The following FAT3 variants were observed in gnomAD, a reference collection of about 807,000 sequenced individuals.
FAT3 encodes protocadherin Fat 3.
A neutral mutation model predicts 310.2 loss-of-function variants in FAT3; 95 were observed. That is an observed-to-expected ratio of 0.31 (90% CI 0.26 to 0.36). The LOEUF is 0.36. Ranked by LOEUF, FAT3 falls within the 10% of genes least tolerant of loss-of-function variation. The probability of loss-of-function intolerance (pLI) is 1.00; values close to 1 mark genes in which losing one functional copy is unlikely to be tolerated. For synonymous variants in FAT3, 2,314 were observed against 2,192.9 expected, an observed-to-expected ratio of 1.06 and a Z score of -1.54; for missense variants, 5,408 against 5,715.6, an observed-to-expected ratio of 0.95 and a Z score of 1.74.
rs1565335935 is a variant in FAT3, at chr11:92,224,943, C to G, written c.-249C>G. 6.6e-6 allele frequency among the ~76,000 whole-genome samples: 1 copy of G among 152,170 alleles called. No individual in the cohort carries two copies. Among genetic ancestry groups the G allele is most frequent in the Non-Finnish European group, 1.5e-5 (1 of 68,024 alleles). On this transcript the variant is annotated 5_prime_UTR_variant, in exon 1 of 28. Transcript: ENST00000525166. ...CCGTCCCTCTCCTCCCGCTGCTGTT[C>G]TCTTCATCTCGGCTCCCCTCCTCCG...
In FAT3 at chr11:92,798,501, A is replaced by G. The variant is rs763716184; in HGVS notation, c.5488A>G (p.Thr1830Ala). 6 of 1,613,824 alleles carry G rather than the reference A, an allele frequency of 3.7e-6. No homozygotes were observed. The South Asian group carries it at 5.5e-5, about 15-fold the overall frequency. Reference sequence around the variant, plus strand: ...AAAGTTTTTCACGGTGGACTCCAGTACAGGTGCAATCAGAACAATTGCCAA... The same window carrying G: ...AAAGTTTTTCACGGTGGACTCCAGTGCAGGTGCAATCAGAACAATTGCCAA... ...AKKFFTVDSS[T>A]GAIRTIANLD... Residue 1830 changes from threonine (T) to alanine (A), a missense_variant, in exon 10 of 28, where the codon ACA becomes GCA. This residue lies in a region of FAT3 where 4,588 missense variants were observed against 4,809.8 expected (regional missense o/e 0.95). Transcript: ENST00000525166.
rs183606603 is a variant in FAT3 at position 92,379,999 on chromosome 11, C to T, written c.3292+24595C>T. 8.6e-5 allele frequency among the ~76,000 whole-genome samples: 13 copies of T among 151,230 alleles called. No homozygotes were observed. The East Asian group carries it at 2.2e-3, about 25-fold the overall frequency. On this transcript the variant is annotated intron_variant, in intron 2 of 27. Transcript: ENST00000525166. ...TGGAAGAATGTTTGGAGGAAGTAAC[C>T]GTGAGAGACAGGATGGATAGTTCTC...
intron 3 of FAT3, among the ~76,000 whole-genome samples, chr11:92,574,954 T>C (rs2135514946): frequency 6.6e-6 from 1 of 152,214 alleles, no homozygotes; most frequent in South Asian, 2.1e-4. Flanking sequence ...TATTAAGGAA[T>C]AGGAATTAAA....
At chr11:92,507,706 A>ACAACATATACATGTATATG (rs1953158849) in intron 2 of FAT3, among the ~76,000 whole-genome samples, 2 of 151,912 alleles carry the variant, frequency 1.3e-5, no homozygotes, top group South Asian at 2.1e-4. Flanking sequence ...ACATGTATAT[A>ACAACATATACATGTATATG]TACAACATAT....
chr11:92,810,236 C>G (rs911483202), intron 13 of FAT3, among the ~76,000 whole-genome samples, 160 bp downstream of exon 13: 1 of 152,224 alleles, frequency 6.6e-6, no homozygotes, highest in South Asian at 2.1e-4. Context: ...TAATACACTT[C>G]ATATGCATGA....
intron 9 of FAT3, among the ~76,000 whole-genome samples, chr11:92,797,508 T>C (rs1056403687): frequency 6.6e-6 from 1 of 152,234 alleles, no homozygotes; most frequent in Non-Finnish European, 1.5e-5. Flanking sequence ...GGAAGTCCTA[T>C]ACATTCTTAG....
chr11:92,431,852 G>A (rs1209035113), intron 2 of FAT3, among the ~76,000 whole-genome samples: 6 of 152,034 alleles, frequency 3.9e-5, no homozygotes, highest in African/African-American at 9.7e-5. Context: ...TATTCCATTG[G>A]TCTACATCTC....
At chr11:92,272,017 A>G (rs1946135291) in intron 1 of FAT3, among the ~76,000 whole-genome samples, 1 of 152,076 alleles carries the variant, frequency 6.6e-6, no homozygotes, top group Non-Finnish European at 1.5e-5. Context: ...GCCCTATAAG[A>G]ACTGAGACCA....
At chr11:92,509,880 A>G (rs1300825855) in intron 2 of FAT3, among the ~76,000 whole-genome samples, 3 of 152,158 alleles carry the variant, frequency 2.0e-5, no homozygotes, top group Non-Finnish European at 2.9e-5. Flanking sequence ...CTTTAAAAAC[A>G]TATTTATATT....
Position 92,352,199 on chromosome 11 carries a change from C to G in FAT3, c.87C>G (p.Val29=), listed in dbSNP as rs1270021780. Residue 29 remains valine (V), a synonymous_variant, in exon 2 of 28, where the codon GTC becomes GTG. Transcript: ENST00000525166. The stretch of plus-strand genomic sequence containing the variant: ...TGCTTTTCAAGCTTTTGGCCACTGT[C>G]TCCCAGGGGCTGCCAGGGACTGGAC... ...ILLLFKLLAT[V]SQGLPGTGPL... is the part of the protein sequence containing the mutation. 7.3e-7 allele frequency: 1 copy of G among 1,376,474 alleles called. No individual in the cohort carries two copies. Among genetic ancestry groups the G allele is most frequent in the Non-Finnish European group, 9.7e-7 (1 of 1,028,248 alleles). 85.3% of individuals were successfully genotyped at this position (1,376,474 alleles called of 1,614,324 possible).
In FAT3 at chr11:92,800,989, G is replaced by T. The variant is rs1336153905; in HGVS notation, c.7976G>T (p.Trp2659Leu). The T allele has an allele frequency of 3.1e-6, 5 of 1,613,402 alleles. No homozygotes were observed. Among genetic ancestry groups the T allele is most frequent in the Non-Finnish European group, 4.2e-6 (5 of 1,179,668 alleles). Residue 2659 changes from tryptophan to leucine, a missense_variant, in exon 10 of 28, where the codon TGG becomes TTG. Transcript: ENST00000525166. ...DLLEIDPDNG[W>L]MVTKGNFNQL... is the part of the protein sequence containing the mutation. ...CTGGAAATCGATCCTGACAATGGCT[G>T]GATGGTCACAAAGGGTAATTTTAAC...
Position 92,555,557 on chromosome 11 carries a change from C to T in FAT3, c.3607+30609C>T, listed in dbSNP as rs184872618. Reference sequence around the variant, plus strand: ...CATTCAGGTGTGTCTAGGCCACCTTCTGGTCATTTCCTTTTCAGCTAACAC... The same window carrying T: ...CATTCAGGTGTGTCTAGGCCACCTTTTGGTCATTTCCTTTTCAGCTAACAC... On this transcript the variant is annotated intron_variant, in intron 3 of 27. Transcript: ENST00000525166. Among the ~76,000 whole-genome samples, 277 of 152,316 alleles carry T rather than the reference C, an allele frequency of 1.8e-3. 1 individual carries two copies. Among genetic ancestry groups the T allele is most frequent in the African/African-American group, 6.4e-3 (267 of 41,586 alleles).
intron 1 of FAT3, among the ~76,000 whole-genome samples, chr11:92,349,979 GAAA>G (rs34283403): frequency 4.0e-5 from 5 of 124,546 alleles, no homozygotes; most frequent in African/African-American, 8.6e-5. Flanking sequence ...AGGTGGAGCT[GAAA>G]AAAAAAAAAA....
At chr11:92,755,741 C>T (rs1036916440) in intron 4 of FAT3, among the ~76,000 whole-genome samples, 1 of 152,272 alleles carries the variant, frequency 6.6e-6, no homozygotes, top group Non-Finnish European at 1.5e-5. Flanking sequence ...CTAAACAGGG[C>T]ACTGAGTTCC....
At chr11:92,576,670 TG>T (rs1938501551) in intron 3 of FAT3, among the ~76,000 whole-genome samples, 1 of 152,098 alleles carries the variant, frequency 6.6e-6, no homozygotes, top group African/African-American at 2.4e-5. Flanking sequence ...TTCCAATCAG[TG>T]GAGCTTTGTC....
intron 2 of FAT3, among the ~76,000 whole-genome samples, chr11:92,512,935 A>ATTTGTTT (rs1170619773): frequency 1.2e-4 from 11 of 91,834 alleles, no homozygotes; most frequent in Non-Finnish European, 1.7e-4. Flanking sequence ...ATCCTGGCTA[A>ATTTGTTT]CACGGTGAAA....
intron 1 of FAT3, among the ~76,000 whole-genome samples, chr11:92,307,672 CAAG>C (rs377314845): frequency 2.4e-4 from 36 of 152,214 alleles, no homozygotes; most frequent in African/African-American, 8.4e-4. Context: ...CAAGACCTCA[CAAG>C]AAGAGGCAAA....
At chr11:92,591,576 T>C (rs549199928) in intron 3 of FAT3, among the ~76,000 whole-genome samples, 1 of 152,282 alleles carries the variant, frequency 6.6e-6, no homozygotes, top group South Asian at 2.1e-4. Context: ...ATTTTACCTG[T>C]AATGTTTTCT....
intron 2 of FAT3, among the ~76,000 whole-genome samples, chr11:92,384,275 A>G (rs1000460603): frequency 2.0e-5 from 3 of 152,178 alleles, no homozygotes; most frequent in Admixed American, 2.0e-4. Context: ...CACCCTCACT[A>G]CTGCTAAGAA....
Sources: gnomAD v4.1 joint callset for allele counts (sites outside exome capture counted in the v4.1 genomes callset) on GRCh38, gnomAD v4.1.1 for gene constraint, gnomAD v4.1.1 regional missense constraint, MANE v1.5 for transcripts, NCBI Gene and HGNC (gene_info 2026-07-23, HGNC 2026-07-21) for gene names.